RBPJ: variants seen among roughly 807,000 people sequenced by gnomAD.
The protein encoded by RBPJ is recombination signal binding protein for immunoglobulin kappa J region, also known as recombining binding protein suppressor of hairless.
RBPJ carries 9 observed loss-of-function variants against 67.8 expected under a neutral mutation model. That is an observed-to-expected ratio of 0.13 (90% CI 0.08 to 0.23). RBPJ has a LOEUF of 0.23. RBPJ is among the 10% of genes least tolerant of loss of function. The probability of loss-of-function intolerance (pLI) is 1.00; values close to 1 mark genes in which losing one functional copy is unlikely to be tolerated. For missense variants in RBPJ, 305 were observed against 595.6 expected (o/e 0.51, Z 5.08); for synonymous variants, 198 against 203.3 (o/e 0.97, Z 0.22).
At chr4:26,425,873 C>T (rs1379653732) in intron 7 of RBPJ, among the ~76,000 whole-genome samples, 1 of 151,936 alleles carries the variant, frequency 6.6e-6, no homozygotes, top group African/African-American at 2.4e-5. Flanking sequence ...CAATATTCCA[C>T]TGGCTTATAT....
intron 1 of RBPJ, among the ~76,000 whole-genome samples, chr4:26,376,720 C>T (rs1194062857): frequency 6.6e-6 from 1 of 152,200 alleles, no homozygotes; most frequent in Non-Finnish European, 1.5e-5. Context: ...TCCATAGTGG[C>T]TGTACCATTT....
At chr4:26,200,499 T>G (rs1264537902) in intron 1 of RBPJ, among the ~76,000 whole-genome samples, 2 of 151,976 alleles carry the variant, frequency 1.3e-5, no homozygotes, top group Non-Finnish European at 2.9e-5. Flanking sequence ...GGATACCCTG[T>G]GTCTACAAAA....
At chr4:26,277,255 G>A (rs1015736274) in intron 1 of RBPJ, among the ~76,000 whole-genome samples, 2 of 140,968 alleles carry the variant, frequency 1.4e-5, no homozygotes, top group African/African-American at 6.0e-5. Context: ...CTGGGCGACA[G>A]AGCAAGACCC....
At chr4:26,309,007 C>G (rs1294102964) in intron 1 of RBPJ, among the ~76,000 whole-genome samples, 1 of 151,210 alleles carries the variant, frequency 6.6e-6, no homozygotes, top group Non-Finnish European at 1.5e-5. Context: ...AGGATTCTTT[C>G]AATTTATTAT....
At chr4:26,198,667 T>C (rs1360737020) in intron 1 of RBPJ, among the ~76,000 whole-genome samples, 3 of 152,224 alleles carry the variant, frequency 2.0e-5, no homozygotes, top group Admixed American at 2.0e-4. Flanking sequence ...CAGAGAAAAG[T>C]TTGGCTTGCC....
intron 1 of RBPJ, chr4:26,384,016 T>C (rs1196531608): frequency 6.6e-6 from 1 of 152,086 alleles, no homozygotes; most frequent in African/African-American, 2.4e-5. Flanking sequence ...CACACCACCA[T>C]GCCGGGCTAA....
intron 2 of RBPJ, among the ~76,000 whole-genome samples, chr4:26,388,312 T>C (rs980308859): frequency 2.0e-5 from 3 of 152,156 alleles, no homozygotes; most frequent in African/African-American, 4.8e-5. Context: ...AAACAGTTAT[T>C]ATATTTGTGT....
intron 1 of RBPJ, among the ~76,000 whole-genome samples, chr4:26,247,320 T>C (rs1719960097): frequency 6.6e-6 from 1 of 152,224 alleles, no homozygotes; most frequent in Non-Finnish European, 1.5e-5. Flanking sequence ...TCTCCATTTA[T>C]TCATGGTAGG....
chr4:26,297,302 C>G (rs1721907562), intron 1 of RBPJ, among the ~76,000 whole-genome samples: 1 of 150,460 alleles, frequency 6.6e-6, no homozygotes, highest in Non-Finnish European at 1.5e-5. Context: ...GACCCTGTCT[C>G]AAAGATAAAC....
At chr4:26,214,971 G>GGAAGAGA (rs1718620827) in intron 1 of RBPJ, among the ~76,000 whole-genome samples, 1 of 10,160 alleles carries the variant, frequency 9.8e-5, no homozygotes, top group Non-Finnish European at 1.5e-4. Context: ...AGGGAGGGAG[G>GGAAGAGA]GAGGGAAGGA....
intron 1 of RBPJ, among the ~76,000 whole-genome samples, chr4:26,234,446 C>A (rs75581087): frequency 6.6e-6 from 1 of 152,046 alleles, no homozygotes; most frequent in Non-Finnish European, 1.5e-5. Context: ...AGAATGATTC[C>A]GTAGTAATAC....
chr4:26,296,487 A>T (rs1721878970), intron 1 of RBPJ, among the ~76,000 whole-genome samples: 1 of 152,214 alleles, frequency 6.6e-6, no homozygotes. Context: ...AAAGAAGGAC[A>T]ATACTTAGGG....
the RBPJ span, among the ~76,000 whole-genome samples, chr4:26,154,208 T>C: frequency 6.6e-6 from 1 of 152,182 alleles, no homozygotes; most frequent in African/African-American, 2.4e-5. Flanking sequence ...AAGTTTGGAA[T>C]GATAGAGACC....
the RBPJ span, among the ~76,000 whole-genome samples, chr4:26,140,229 G>A: frequency 6.6e-6 from 1 of 152,198 alleles, no homozygotes; most frequent in South Asian, 2.1e-4. Flanking sequence ...GCTGGGAAGA[G>A]GACACAGGGG....
chr4:26,380,634 A>T (rs915629388), intron 1 of RBPJ, among the ~76,000 whole-genome samples: 1 of 151,922 alleles, frequency 6.6e-6, no homozygotes, highest in Admixed American at 6.6e-5. Flanking sequence ...CAGGTGGCCT[A>T]TTTTTTCTCC....
At chr4:26,339,459 C>G (rs914604558) in intron 1 of RBPJ, among the ~76,000 whole-genome samples, 2 of 151,862 alleles carry the variant, frequency 1.3e-5, no homozygotes, top group East Asian at 3.9e-4. Flanking sequence ...CATGGTGAAA[C>G]CCCATCTCTA....
At chr4:26,337,785 C>G (rs991187592) in intron 1 of RBPJ, among the ~76,000 whole-genome samples, 1 of 149,672 alleles carries the variant, frequency 6.7e-6, no homozygotes, top group Non-Finnish European at 1.5e-5. Context: ...TTCATCGGCT[C>G]AGGCAATCCT....
At chr4:26,376,234 T>G (rs1218349063) in intron 1 of RBPJ, among the ~76,000 whole-genome samples, 1 of 152,158 alleles carries the variant, frequency 6.6e-6, no homozygotes, top group African/African-American at 2.4e-5. Flanking sequence ...TCTCCAGAAA[T>G]TTTCATCCTC....
intron 1 of RBPJ, among the ~76,000 whole-genome samples, chr4:26,244,435 A>G (rs62409724): frequency 0.3 from 361 of 1,192 alleles, 38 homozygotes; most frequent in Admixed American, 0.4. Flanking sequence ...ATATATGTAT[A>G]CATATGTGTG....
Sources: allele counts gnomAD v4.1 joint callset (sites outside exome capture counted in the v4.1 genomes callset), GRCh38; gene constraint gnomAD v4.1.1; transcripts MANE v1.5; gene names NCBI Gene and HGNC (gene_info 2026-07-23, HGNC 2026-07-21).